DSCAML1: variants seen among roughly 807,000 people sequenced by gnomAD.
The protein encoded by DSCAML1 is cell adhesion molecule DSCAML1.
Under a neutral mutation model 200.5 loss-of-function variants are expected in DSCAML1, and 38 were observed. The observed-to-expected ratio is 0.19, with a 90% CI of 0.15 to 0.25. The LOEUF is 0.25. Among genes scored for constraint, DSCAML1 ranks in the 10% least tolerant of loss-of-function variants. The probability of loss-of-function intolerance (pLI) is 1.00; values close to 1 mark genes in which losing one functional copy is unlikely to be tolerated. For synonymous variants in DSCAML1, 1,215 were observed against 1,165.0 expected, an observed-to-expected ratio of 1.04 and a Z score of -0.87; for missense variants, 2,223 against 2,858.8, an observed-to-expected ratio of 0.78 and a Z score of 5.07.
At chr11:117,811,483 C>T (rs541005093) in intron 1 of DSCAML1, among the ~76,000 whole-genome samples, 65 of 152,248 alleles carry the variant, frequency 4.3e-4, no homozygotes, top group Non-Finnish European at 4.1e-4. Flanking sequence ...CTCCAGCACA[C>T]AAGAACTTCC....
chr11:117,791,210 C>T (rs574771793), intron 1 of DSCAML1, among the ~76,000 whole-genome samples: 142 of 152,324 alleles, frequency 9.3e-4, no homozygotes, highest in African/African-American at 3.1e-3. Context: ...ATAGGCAGCA[C>T]TTGACCTCTG....
rs529063674 is a variant in DSCAML1 at position 117,741,098 on chromosome 11, G to A, written c.511+35693C>T. 3.9e-5 allele frequency among the ~76,000 whole-genome samples: 6 copies of A among 152,358 alleles called. 1 individual carries two copies. Among genetic ancestry groups the A allele is most frequent in the African/African-American group, 1.4e-4 (6 of 41,584 alleles). ...AATATCCCTAGCAATCCTGGAGGTA[G>A]GTGCTTTTGACAGAGATGGTCTCCA... is the stretch of plus-strand genomic sequence containing the variant. On this transcript the variant is annotated intron_variant, in intron 3 of 32. Transcript: ENST00000651296.
intron 3 of DSCAML1, among the ~76,000 whole-genome samples, chr11:117,646,461 C>G (rs1217936454): frequency 2.0e-5 from 3 of 152,284 alleles, no homozygotes; most frequent in South Asian, 2.1e-4. Flanking sequence ...CAGAGTCCCT[C>G]GCTTCCTTCC....
intron 3 of DSCAML1, among the ~76,000 whole-genome samples, chr11:117,684,208 C>T (rs2053361727): frequency 6.6e-6 from 1 of 152,068 alleles, no homozygotes; most frequent in Non-Finnish European, 1.5e-5. Context: ...GGGACCCCAG[C>T]AGGGTTTGTG....
intron 3 of DSCAML1, among the ~76,000 whole-genome samples, chr11:117,545,234 A>ACAC (rs1203052678): frequency 7.0e-5 from 10 of 143,404 alleles, no homozygotes; most frequent in East Asian, 2.0e-4. Flanking sequence ...CGTAAAAAAA[A>ACAC]ACACACACAC....
At chr11:117,791,604 C>T (rs1054727376) in intron 1 of DSCAML1, among the ~76,000 whole-genome samples, 1 of 152,212 alleles carries the variant, frequency 6.6e-6, no homozygotes, top group African/African-American at 2.4e-5. Context: ...CTGGGCACCC[C>T]AGGGACACTC....
chr11:117,656,066 C>T (rs1267534066), intron 3 of DSCAML1, among the ~76,000 whole-genome samples: 1 of 152,214 alleles, frequency 6.6e-6, no homozygotes, highest in East Asian at 1.9e-4. Context: ...ATGGTGAAAT[C>T]CCATCTACTA....
In DSCAML1 at chr11:117,812,413, C is replaced by T. The variant is rs200144265; in HGVS notation, c.-250+4977G>A. On this transcript the variant is annotated intron_variant, in intron 1 of 2. Coordinates refer to the DSCAML1 transcript ENST00000525836. ...TTACAAGTTAGTTCAGGATCTATGC[C>T]TTATCAACCAAATTGTTTTGCCTAT... 1.6e-4 allele frequency among the ~76,000 whole-genome samples: 25 copies of T among 152,236 alleles called. No individual in the cohort carries two copies. The East Asian group carries it at 4.1e-3, about 25-fold the overall frequency.
intron 3 of DSCAML1, among the ~76,000 whole-genome samples, chr11:117,654,257 T>G (rs2052690583): frequency 6.6e-6 from 1 of 152,196 alleles, no homozygotes; most frequent in Non-Finnish European, 1.5e-5. Flanking sequence ...ATAAAAGTTT[T>G]CTAACATTGA....
At chr11:117,588,623 T>A (rs1300093210) in intron 3 of DSCAML1, among the ~76,000 whole-genome samples, 1 of 152,034 alleles carries the variant, frequency 6.6e-6, no homozygotes, top group Non-Finnish European at 1.5e-5. Flanking sequence ...GCCACCACAC[T>A]CTGCTGCTGA....
chr11:117,458,717 C>CA, intron 19 of DSCAML1, 37 bp downstream of exon 19: 1 of 1,603,952 alleles, frequency 6.2e-7, no homozygotes, highest in Non-Finnish European at 8.5e-7. Context: ...CAGTGGGTGG[C>CA]AGGGCCAGCC....
At position 117,428,321 on chromosome 11, in the gene DSCAML1, G is replaced by GC. The variant is rs746319911; in HGVS notation, c.*6dup. 4 of 1,479,880 alleles carry GC rather than the reference G, an allele frequency of 2.7e-6. No individual in the cohort carries two copies. Among genetic ancestry groups the GC allele is most frequent in the Admixed American group, 1.9e-5 (1 of 53,632 alleles). The allele number at this position is 1,479,880 out of a possible 1,614,324, so 91.7% of individuals were successfully genotyped here. On this transcript the variant is annotated 3_prime_UTR_variant, in exon 33 of 33. Transcript: ENST00000651296. Reference sequence around the variant, plus strand: ...CGGTCCAGGCGTGGCTGCTCTTCCTGCGGGCCCTACACCAGGGTGTAGGAT... The same window carrying GC: ...CGGTCCAGGCGTGGCTGCTCTTCCTGCCGGGCCCTACACCAGGGTGTAGGAT...
intron 3 of DSCAML1, among the ~76,000 whole-genome samples, chr11:117,767,895 G>C (rs1380504382): frequency 6.6e-6 from 1 of 152,130 alleles, no homozygotes; most frequent in Non-Finnish European, 1.5e-5. Context: ...GATTAAATGA[G>C]ATGACATGCA....
chr11:117,746,197 G>A (rs1469867168), intron 3 of DSCAML1, among the ~76,000 whole-genome samples: 1 of 129,312 alleles, frequency 7.7e-6, no homozygotes, highest in Non-Finnish European at 1.5e-5. Context: ...ACTCCAGCCT[G>A]GGCATCAGAG....
At chr11:117,497,085 C>A (rs556590451) in intron 11 of DSCAML1, among the ~76,000 whole-genome samples, 1 of 152,134 alleles carries the variant, frequency 6.6e-6, no homozygotes, top group Non-Finnish European at 1.5e-5. Context: ...CTGGAACTGG[C>A]GACACATGCC....
In DSCAML1 at chr11:117,504,321, AAG is replaced by A. The variant is rs567662031; in HGVS notation, c.2183-302_2183-301del. 7.3e-3 allele frequency among the ~76,000 whole-genome samples: 1,111 copies of A among 152,308 alleles called. 14 individuals are homozygous for A. Among genetic ancestry groups the A allele is most frequent in the African/African-American group, 0.025 (1,059 of 41,560 alleles). Reference sequence around the variant, plus strand: ...GGGGTAAATTCCTTGGAGAGGAAGAAAGAGCTGTGTTTGGCCAGTTGGCTGCA... The same window carrying A: ...GGGGTAAATTCCTTGGAGAGGAAGAAAGCTGTGTTTGGCCAGTTGGCTGCA... On this transcript the variant is annotated intron_variant, in intron 10 of 32. Coordinates refer to ENST00000651296, the MANE Select transcript of DSCAML1 (RefSeq NM_020693.4). The surrounding 1 kb of genome is among the most constrained non-coding windows in gnomAD (Gnocchi z 5.0).
rs56805170 is a variant in DSCAML1 at position 117,486,911 on chromosome 11, C to CTTTTTTTTT, written c.2360-4758_2360-4750dup. The stretch of plus-strand genomic sequence containing the variant: ...GAAAAAAAAAAAGAATGTAAAATAC[C>CTTTTTTTTT]TTTTTTTTTTTTTTTTTTTTTTTTT... On this transcript the variant is annotated intron_variant, in intron 11 of 32. Transcript: ENST00000651296. Among the ~76,000 whole-genome samples the CTTTTTTTTT allele has an allele frequency of 1.4e-3, 112 of 79,654 alleles. 8 individuals are homozygous for CTTTTTTTTT. The highest frequency in any genetic ancestry group is 1.8e-3 in the Non-Finnish European group (79 of 42,782). 52.3% of individuals were successfully genotyped at this position (79,654 alleles called of 152,430 possible).
intron 3 of DSCAML1, among the ~76,000 whole-genome samples, chr11:117,561,793 C>T (rs941176193): frequency 3.9e-5 from 6 of 152,242 alleles, no homozygotes; most frequent in African/African-American, 4.8e-5. Context: ...ACTGCATGAA[C>T]GGCATTGCAA....
At chr11:117,739,247 T>C (rs1056517764) in intron 3 of DSCAML1, among the ~76,000 whole-genome samples, 10 of 152,176 alleles carry the variant, frequency 6.6e-5, no homozygotes, top group African/African-American at 2.4e-4. Context: ...CAGGCTACCA[T>C]GAAAGATTTC....
Sources: allele counts gnomAD v4.1 joint callset (sites outside exome capture counted in the v4.1 genomes callset), GRCh38; gene constraint gnomAD v4.1.1; non-coding constraint Gnocchi (gnomAD v3.1); transcripts MANE v1.5; gene names NCBI Gene and HGNC (gene_info 2026-07-23, HGNC 2026-07-21).